HIBCH: variants seen among roughly 807,000 people sequenced by gnomAD.
The protein encoded by HIBCH is 3-hydroxyisobutyryl-CoA hydrolase.
Under a neutral mutation model 58.2 loss-of-function variants are expected in HIBCH, and 50 were observed. That is an observed-to-expected ratio of 0.86 (90% CI 0.68 to 1.09). HIBCH has a LOEUF of 1.09. HIBCH is among the 50% of genes least tolerant of loss of function. The pLI is 0.00. For missense variants in HIBCH, 450 were observed against 449.7 expected, an observed-to-expected ratio of 1.00 and a Z score of -0.01; for synonymous variants, 151 against 146.9, an observed-to-expected ratio of 1.03 and a Z score of -0.20.
chr2:190,223,478 A>T (rs1490315403), intron 11 of HIBCH, among the ~76,000 whole-genome samples: 3 of 152,186 alleles, frequency 2.0e-5, no homozygotes, highest in African/African-American at 7.2e-5. Flanking sequence ...AATATTACTG[A>T]GTCAGGATGG....
At chr2:190,192,437 T>C (rs1048228738) in intron 1 of HIBCH, among the ~76,000 whole-genome samples, 6 of 150,412 alleles carry the variant, frequency 4.0e-5, no homozygotes, top group African/African-American at 1.2e-4. Flanking sequence ...TGTGTTTCCA[T>C]GTATAATTCA....
At chr2:190,292,257 A>G (rs1283172900) in intron 4 of HIBCH, among the ~76,000 whole-genome samples, 1 of 151,524 alleles carries the variant, frequency 6.6e-6, no homozygotes, top group South Asian at 2.1e-4. Context: ...TAGAATTCTG[A>G]TATCTCTTCC....
intron 7 of HIBCH, chr2:190,260,318 C>T (rs952067080): frequency 6.6e-6 from 1 of 152,070 alleles, no homozygotes. Context: ...ATATGAAATA[C>T]TTATGGATAA....
chr2:190,302,186 G>A (rs1280887377), intron 2 of HIBCH, among the ~76,000 whole-genome samples: 1 of 152,202 alleles, frequency 6.6e-6, no homozygotes, highest in Admixed American at 6.5e-5. Flanking sequence ...CACAGGCTGG[G>A]AAACACAGCC....
intron 10 of HIBCH, among the ~76,000 whole-genome samples, chr2:190,245,721 G>A (rs2105934301): frequency 6.6e-6 from 1 of 152,230 alleles, no homozygotes; most frequent in East Asian, 1.9e-4. Context: ...TGCTGGCCAG[G>A]CATCACGCCT....
In HIBCH at chr2:190,315,404, C is replaced by T. The variant is rs986892534; in HGVS notation, c.35+4312G>A. Reference sequence around the variant, plus strand: ...TGACTAGAAACTGAAATTCTCTGCCCCACCCCAGACCTACTGAACAAGAAA... The same window carrying T: ...TGACTAGAAACTGAAATTCTCTGCCTCACCCCAGACCTACTGAACAAGAAA... On this transcript the variant is annotated intron_variant, in intron 1 of 13. Transcript: ENST00000359678. This position sits in a 1 kb window ranked among gnomAD's most constrained non-coding sequence, Gnocchi z 5.4. Among the ~76,000 whole-genome samples, 2 of 152,150 alleles carry T rather than the reference C, an allele frequency of 1.3e-5. No individual in the cohort carries two copies. The highest frequency in any genetic ancestry group is 4.8e-5 in the African/African-American group (2 of 41,430).
At chr2:190,234,357 A>G (rs1196777205) in intron 11 of HIBCH, among the ~76,000 whole-genome samples, 1 of 152,186 alleles carries the variant, frequency 6.6e-6, no homozygotes, top group African/African-American at 2.4e-5. Context: ...CAAGGCCAAA[A>G]CTGTTTACAG....
rs1027556170 is a variant in HIBCH at position 190,243,418 on chromosome 2, A to G, written c.891+1469T>C. On this transcript the variant is annotated intron_variant, in intron 11 of 13. Coordinates refer to ENST00000359678, the MANE Select transcript of HIBCH (RefSeq NM_014362.4). This position sits in a 1 kb window ranked among gnomAD's most constrained non-coding sequence, Gnocchi z 4.1. ...TAATACTTAATAAACTCCCCTTTAT[A>G]TACATATCTCCTATTAGTTCTTTCC... Among the ~76,000 whole-genome samples, 2 of 152,188 alleles carry G rather than the reference A, an allele frequency of 1.3e-5. No homozygotes were observed. The highest frequency in any genetic ancestry group is 2.9e-5 in the Non-Finnish European group (2 of 68,038).
At chr2:190,319,426 G>A (rs1688789805) in intron 1 of HIBCH, among the ~76,000 whole-genome samples, 1 of 152,218 alleles carries the variant, frequency 6.6e-6, no homozygotes, top group Non-Finnish European at 1.5e-5. Flanking sequence ...CAACTTTTAA[G>A]AAAGGAAAGA....
chr2:190,249,166 C>T (rs1218783438), intron 9 of HIBCH, among the ~76,000 whole-genome samples: 1 of 152,156 alleles, frequency 6.6e-6, no homozygotes, highest in African/African-American at 2.4e-5. Context: ...TTTTAGGAGG[C>T]AGCATGTATT....
chr2:190,208,329 G>A (rs1244215057), intron 13 of HIBCH, among the ~76,000 whole-genome samples: 1 of 152,142 alleles, frequency 6.6e-6, no homozygotes, highest in African/African-American at 2.4e-5. Flanking sequence ...AGGGCTTTTT[G>A]TAAGGTAATA....
Position 190,246,210 on chromosome 2 carries a change from A to G in HIBCH, c.753T>C (p.Ser251=), listed in dbSNP as rs1390604227. Residue 251 remains serine (S), a splice_region_variant and synonymous_variant, in exon 10 of 14, where the codon TCT becomes TCC. Coordinates refer to ENST00000359678, the MANE Select transcript of HIBCH (RefSeq NM_014362.4). ...TAAAAGACTTGTCTCGATCAATCTT[A>G]GACTGTTTGAAAAGAAAAATCTTTT... ...ASVLENYHTE[S]KIDRDKSFIL... The G allele has an allele frequency of 6.4e-7, 1 of 1,574,652 alleles. No homozygotes were observed. Among genetic ancestry groups the G allele is most frequent in the East Asian group, 2.2e-5 (1 of 44,486 alleles).
Position 190,246,165 on chromosome 2 carries a change from G to T in HIBCH, c.798C>A (p.Asp266Glu). Residue 266 changes from aspartate (D) to glutamate (E), a missense_variant, in exon 10 of 14, where the codon GAC becomes GAA. Transcript: ENST00000359678. ...CTCTTTTTAGGTACCTGTTTATTTT[G>T]TCCATGTGTTCCTCAAGTATAAAAG... ...DKSFILEEHM[D>E]KINSCFSANT... The T allele has an allele frequency of 6.3e-7, 1 of 1,578,324 alleles. No homozygotes were observed. Among genetic ancestry groups the T allele is most frequent in the Non-Finnish European group, 8.7e-7 (1 of 1,148,454 alleles).
chr2:190,251,507 C>T (rs181783413), intron 8 of HIBCH: 46 of 441,438 alleles, frequency 1.0e-4, no homozygotes, highest in African/African-American at 8.3e-4. Flanking sequence ...GGGTCTTCTG[C>T]CACATGTAAC....
At chr2:190,288,835 A>G (rs1687893815) in intron 5 of HIBCH, among the ~76,000 whole-genome samples, 1 of 152,102 alleles carries the variant, frequency 6.6e-6, no homozygotes, top group Non-Finnish European at 1.5e-5. Context: ...ACACCACACC[A>G]GGTGCGTGGC....
Position 190,204,537 on chromosome 2 carries a change from A to T in HIBCH, c.*580T>A, listed in dbSNP as rs1690341713. Reference sequence around the variant, plus strand: ...TAAAAGGAGCTCTTCTGCTACAGTAACTCAGTTACTTTAAAACACACTCAT... The same window carrying T: ...TAAAAGGAGCTCTTCTGCTACAGTATCTCAGTTACTTTAAAACACACTCAT... On this transcript the variant is annotated 3_prime_UTR_variant, in exon 14 of 14. Coordinates refer to ENST00000359678, the MANE Select transcript of HIBCH (RefSeq NM_014362.4). 6.6e-6 allele frequency: 1 copy of T among 152,480 alleles called. No individual in the cohort carries two copies. The highest frequency in any genetic ancestry group is 2.4e-5 in the African/African-American group (1 of 41,454). The allele number at this position is 152,480 out of a possible 1,614,324, so 9.4% of individuals were successfully genotyped here.
In HIBCH at chr2:190,209,145, TCCTATGACTTTCTC is replaced by T. The variant is rs966108987; in HGVS notation, c.1012-246_1012-233del. On this transcript the variant is annotated intron_variant, in intron 12 of 13. Transcript: ENST00000359678. The surrounding 1 kb of genome is among the most constrained non-coding windows in gnomAD (Gnocchi z 5.6). ...CATTGATCTTACTGAGGTCCACAGA[TCCTATGACTTTCTC>T]CCCATCTGTGCTGGCTTCACTTTGC... Among the ~76,000 whole-genome samples the T allele has an allele frequency of 3.3e-5, 5 of 152,166 alleles. No homozygotes were observed. Among genetic ancestry groups the T allele is most frequent in the African/African-American group, 1.2e-4 (5 of 41,442 alleles).
At chr2:190,199,830 A>G (rs1294496046), downstream of HIBCH, 3 of 1,604,094 alleles carry the variant, frequency 1.9e-6, no homozygotes, top group Non-Finnish European at 2.6e-6. Flanking sequence ...AGTCTTTGCC[A>G]CTGCTTCCTC....
intron 1 of HIBCH, among the ~76,000 whole-genome samples, chr2:190,312,672 C>T (rs1226791661): frequency 6.6e-6 from 1 of 152,176 alleles, no homozygotes; most frequent in Non-Finnish European, 1.5e-5. Flanking sequence ...TTGAATAATA[C>T]TATACAAAAG....
Sources: gnomAD v4.1 joint callset for allele counts (sites outside exome capture counted in the v4.1 genomes callset) on GRCh38, gnomAD v4.1.1 for gene constraint, Gnocchi (gnomAD v3.1) non-coding constraint, MANE v1.5 for transcripts, NCBI Gene and HGNC (gene_info 2026-07-23, HGNC 2026-07-21) for gene names.